TEX14: variants seen among roughly 807,000 people sequenced by gnomAD.
TEX14 encodes the protein inactive serine/threonine-protein kinase TEX14.
TEX14 carries 168 observed loss-of-function variants against 178.6 expected under a neutral mutation model. That is an observed-to-expected ratio of 0.94 (90% confidence interval 0.83 to 1.07). The LOEUF is 1.07. Among genes scored for constraint, TEX14 ranks in the 50% least tolerant of loss-of-function variants. The probability of loss-of-function intolerance (pLI) is 0.00; values close to 1 mark genes in which losing one functional copy is unlikely to be tolerated. For synonymous variants in TEX14, 626 were observed against 634.1 expected, an observed-to-expected ratio of 0.99 and a Z score of 0.19; for missense variants, 1,730 against 1,753.6, an observed-to-expected ratio of 0.99 and a Z score of 0.24.
intron 23 of TEX14, among the ~76,000 whole-genome samples, chr17:58,572,548 C>T (rs2044559344): frequency 1.3e-5 from 2 of 151,572 alleles, no homozygotes; most frequent in Admixed American, 1.3e-4. Flanking sequence ...AGGAGAATGG[C>T]ATGAACCCGG....
chr17:58,661,458 G>C lies in TEX14; in HGVS notation c.-1-9456C>G, dbSNP rs774362544. 3.8e-6 allele frequency: 3 copies of C among 786,514 alleles called. No homozygotes were observed. In the South Asian group the frequency reaches 4.0e-5, roughly 11 times the overall value. 48.7% of individuals were successfully genotyped at this position (786,514 alleles called of 1,614,324 possible). A position where few individuals can be genotyped will look rare whatever the true frequency, so the allele number is the denominator to read the frequency against. ...TTGGCAACCTTGTCAAGGAGGTCGAGGCCCTTGAACACCTTTTCCTGGACT... is the reference window on the plus strand; with the variant it reads ...TTGGCAACCTTGTCAAGGAGGTCGACGCCCTTGAACACCTTTTCCTGGACT... On this transcript the variant is annotated intron_variant, in intron 1 of 31. Transcript: ENST00000349033.
At chr17:58,657,892 G>A (rs1335756620) in intron 1 of TEX14, among the ~76,000 whole-genome samples, 1 of 152,148 alleles carries the variant, frequency 6.6e-6, no homozygotes, top group Non-Finnish European at 1.5e-5. Flanking sequence ...GCAGCTGGAT[G>A]CTACAAGATT....
intron 1 of TEX14, among the ~76,000 whole-genome samples, chr17:58,665,765 G>A (rs779553574): frequency 4.0e-5 from 6 of 151,670 alleles, no homozygotes; most frequent in Non-Finnish European, 8.8e-5. Flanking sequence ...AAAAAATAAG[G>A]CTGGGCGCGG....
intron 2 of TEX14, among the ~76,000 whole-genome samples, chr17:58,640,796 T>C (rs975359144): frequency 2.0e-5 from 3 of 152,114 alleles, no homozygotes; most frequent in Admixed American, 2.0e-4. Context: ...CTCAGCTCAG[T>C]GCAACCTCTG....
intron 1 of TEX14, among the ~76,000 whole-genome samples, chr17:58,673,878 A>G (rs1188011048): frequency 6.6e-6 from 1 of 152,280 alleles, no homozygotes; most frequent in East Asian, 1.9e-4. Context: ...TCTCTCCTTC[A>G]TATTATAGTT....
chr17:58,688,807 CG>C (rs544993712), intron 1 of TEX14, among the ~76,000 whole-genome samples: 3 of 151,744 alleles, frequency 2.0e-5, no homozygotes, highest in Admixed American at 1.3e-4. Context: ...AACATATTCC[CG>C]GGGGGGGTTT....
chr17:58,685,995 A>AC (rs1451467734), intron 1 of TEX14, among the ~76,000 whole-genome samples: 2 of 95,354 alleles, frequency 2.1e-5, no homozygotes, highest in Non-Finnish European at 4.4e-5. Flanking sequence ...ACTCTGTCTC[A>AC]CAAAAAAAAA....
At chr17:58,643,617 C>G (rs1425354769) in intron 2 of TEX14, among the ~76,000 whole-genome samples, 6 of 151,738 alleles carry the variant, frequency 4.0e-5, no homozygotes, top group African/African-American at 1.5e-4. Flanking sequence ...CAACTGTAAT[C>G]CCAGCACTTT....
chr17:58,646,314 C>T lies in TEX14; in HGVS notation c.136+5552G>A, dbSNP rs1204798203. 2.6e-5 allele frequency among the ~76,000 whole-genome samples: 4 copies of T among 152,262 alleles called. No individual in the cohort carries two copies. The South Asian group carries it at 6.2e-4, about 24-fold the overall frequency. On this transcript the variant is annotated intron_variant, in intron 2 of 31. Coordinates refer to ENST00000349033, the MANE Select transcript of TEX14 (RefSeq NM_031272.5). The stretch of plus-strand genomic sequence containing the variant: ...CAATATAAAATGGGAGTTTTTACAT[C>T]GAACCAAAATCCTTCCAATAGCCCA...
intron 10 of TEX14, among the ~76,000 whole-genome samples, chr17:58,606,369 T>A (rs1331372682): frequency 6.6e-6 from 1 of 152,232 alleles, no homozygotes; most frequent in Non-Finnish European, 1.5e-5. Flanking sequence ...TGGCAGTTGA[T>A]AATTAAGAAT....
At chr17:58,631,123 T>C in intron 2 of TEX14, 1 of 980,968 alleles carries the variant, frequency 1.0e-6, no homozygotes, top group Non-Finnish European at 1.2e-6. Context: ...GAAAAAAATT[T>C]AGTCCTCCAG....
At chr17:58,673,361 T>C (rs980046860) in intron 1 of TEX14, among the ~76,000 whole-genome samples, 2 of 151,550 alleles carry the variant, frequency 1.3e-5, no homozygotes, top group African/African-American at 4.8e-5. Context: ...TGCACACCTG[T>C]AGTCCCAGCT....
chr17:58,677,616 G>A (rs1357594182), intron 1 of TEX14: 1 of 152,226 alleles, frequency 6.6e-6, no homozygotes, highest in East Asian at 1.9e-4. Context: ...CACAAATTAT[G>A]CAGTTGAGTA....
chr17:58,621,905 A>C, intron 4 of TEX14, 119 bp from the exon 5 acceptor site: 1 of 1,132,224 alleles, frequency 8.8e-7, no homozygotes, highest in Non-Finnish European at 1.2e-6. Context: ...AACCTCTCAA[A>C]AGGAAAGGGC....
At chr17:58,663,310 T>A (rs2047150317) in intron 1 of TEX14, among the ~76,000 whole-genome samples, 1 of 147,070 alleles carries the variant, frequency 6.8e-6, no homozygotes, top group Non-Finnish European at 1.5e-5. Flanking sequence ...TAATCCCAGC[T>A]ACTTGGGAGG....
chr17:58,630,432 G>A lies in TEX14; in HGVS notation c.251+8C>T. The stretch of plus-strand genomic sequence containing the variant: ...CTATTTTCTAGACATCAATATTATT[G>A]TACTTACTGATTTGGATCTGATCCA... On this transcript the variant is annotated splice_region_variant and intron_variant, in intron 3 of 31. Coordinates refer to ENST00000349033, the MANE Select transcript of TEX14 (RefSeq NM_031272.5). 1 of 1,571,468 alleles carries A rather than the reference G, an allele frequency of 6.4e-7. No homozygotes were observed. The highest frequency in any genetic ancestry group is 2.2e-5 in the East Asian group (1 of 44,666).
chr17:58,665,811 C>T lies in TEX14; in HGVS notation c.-1-13809G>A, dbSNP rs565606991. On this transcript the variant is annotated intron_variant, in intron 1 of 31. Transcript: ENST00000349033. ...CTATAATCCCAGCACTTTGGGAGGCCGAGGAGGGTGGATCACATGAGGTCA... is the reference window on the plus strand; with the variant it reads ...CTATAATCCCAGCACTTTGGGAGGCTGAGGAGGGTGGATCACATGAGGTCA... Among the ~76,000 whole-genome samples, 9 of 151,678 alleles carry T rather than the reference C, an allele frequency of 5.9e-5. No homozygotes were observed. The East Asian group carries it at 1.8e-3, about 30-fold the overall frequency.
intron 21 of TEX14, among the ~76,000 whole-genome samples, chr17:58,575,985 T>C (rs2044665381): frequency 6.6e-6 from 1 of 152,212 alleles, no homozygotes; most frequent in African/African-American, 2.4e-5. Flanking sequence ...AGGGTTGTTA[T>C]GTGGATTAAA....
At position 58,599,071 on chromosome 17, in the gene TEX14, G is replaced by A. The variant is rs143589349; in HGVS notation, c.2274C>T (p.Val758=). The change falls in exon 14 of 32, where the codon GTC becomes GTT. Residue 758 remains valine (V), a synonymous_variant. Coordinates refer to ENST00000349033, the MANE Select transcript of TEX14 (RefSeq NM_031272.5). ...LRNIEQILDE[V]EMKQKEQEER... is the part of the protein sequence containing the mutation. ...CTTCCTGTTCCTTCTGTTTCATCTC[G>A]ACTTCATCTAATATCTGCTCGATAT... 40 of 1,614,012 alleles carry A rather than the reference G, an allele frequency of 2.5e-5. No homozygotes were observed. In the African/African-American group the frequency reaches 2.8e-4, roughly 11 times the overall value.
Sources: gnomAD v4.1 joint callset for allele counts (sites outside exome capture counted in the v4.1 genomes callset) on GRCh38, gnomAD v4.1.1 for gene constraint, MANE v1.5 for transcripts, NCBI Gene and HGNC (gene_info 2026-07-23, HGNC 2026-07-21) for gene names.